The following OPRD1 variants were observed in gnomAD, a reference collection of about 807,000 sequenced individuals.
OPRD1 encodes the protein delta-type opioid receptor.
In OPRD1, 19 loss-of-function variants were observed where a neutral mutation model predicts 17.5. The ratio of observed to expected loss-of-function variants is 1.09; its 90% CI spans 0.76 to 1.60. OPRD1 has a LOEUF of 1.60. Ranked by LOEUF, OPRD1 falls within the 40% of genes most tolerant of loss-of-function variation. The probability of loss-of-function intolerance (pLI) is 0.00; values close to 1 mark genes in which losing one functional copy is unlikely to be tolerated. For missense variants in OPRD1, 483 were observed against 547.2 expected (o/e 0.88, Z 1.17); for synonymous variants, 256 against 240.9 (o/e 1.06, Z -0.58).
At chr1:28,849,609 G>A (rs204083) in intron 1 of OPRD1, among the ~76,000 whole-genome samples, 4,500 of 152,244 alleles carry the variant, frequency 0.03, 207 homozygotes, top group African/African-American at 0.1. Flanking sequence ...AAAAATCAGC[G>A]TTTAATTATA....
chr1:28,821,423 G>A (rs1044919142), intron 1 of OPRD1, among the ~76,000 whole-genome samples: 1 of 151,912 alleles, frequency 6.6e-6, no homozygotes, highest in Non-Finnish European at 1.5e-5. Flanking sequence ...TTATTTTTGA[G>A]ATGGGGATCT....
At chr1:28,830,002 C>T (rs2088797976) in intron 1 of OPRD1, among the ~76,000 whole-genome samples, 1 of 152,130 alleles carries the variant, frequency 6.6e-6, no homozygotes, top group Non-Finnish European at 1.5e-5. Flanking sequence ...AGCCACTGCA[C>T]CTGGCCCTTT....
Position 28,832,632 on chromosome 1 carries a change from A to G in OPRD1, c.227+20022A>G, listed in dbSNP as rs568836545. ...ACTCTGTCTCAAAAAAAAAAAAAGT[A>G]ACATACAGCATGGCCAAAGGCCTGG... On this transcript the variant is annotated intron_variant, in intron 1 of 2. Coordinates refer to ENST00000234961, the MANE Select transcript of OPRD1 (RefSeq NM_000911.4). Among the ~76,000 whole-genome samples the G allele has an allele frequency of 1.3e-4, 20 of 151,974 alleles. No homozygotes were observed. The South Asian group carries it at 1.7e-3, about 13-fold the overall frequency.
At chr1:28,847,815 G>A (rs2124281691) in intron 1 of OPRD1, among the ~76,000 whole-genome samples, 1 of 151,922 alleles carries the variant, frequency 6.6e-6, no homozygotes, top group Non-Finnish European at 1.5e-5. Flanking sequence ...TGGGCAACAG[G>A]GTGAGAACCT....
intron 2 of OPRD1, among the ~76,000 whole-genome samples, chr1:28,860,280 AC>A (rs2089101512): frequency 6.6e-6 from 1 of 151,658 alleles, no homozygotes; most frequent in Non-Finnish European, 1.5e-5. Context: ...CAGGAGAATC[AC>A]TTGAACCTGG....
chr1:28,828,136 C>T (rs2088781198), intron 1 of OPRD1, among the ~76,000 whole-genome samples: 2 of 152,096 alleles, frequency 1.3e-5, no homozygotes, highest in South Asian at 4.1e-4. Context: ...ACAGCTGTAA[C>T]CTTACAAAAT....
rs2089087275 is a variant in OPRD1, at chr1:28,859,128, C to T, written c.402C>T (p.Thr134=). ...CCATCGACTACTACAATATGTTCAC[C>T]AGCATCTTCACGCTCACCATGATGA... The part of the protein sequence containing the change: ...VLSIDYYNMF[T]SIFTLTMMSV... Residue 134 remains threonine (T), a synonymous_variant, in exon 2 of 3, where the codon ACC becomes ACT. Coordinates refer to ENST00000234961, the MANE Select transcript of OPRD1 (RefSeq NM_000911.4). 6.2e-7 allele frequency: 1 copy of T among 1,614,126 alleles called. No homozygotes were observed. Among genetic ancestry groups the T allele is most frequent in the African/African-American group, 1.3e-5 (1 of 74,954 alleles).
intron 1 of OPRD1, among the ~76,000 whole-genome samples, chr1:28,846,851 TTTC>T (rs2088953205): frequency 9.7e-3 from 383 of 39,466 alleles, no homozygotes; most frequent in African/African-American, 0.034. Context: ...CTTTCTTTTC[TTTC>T]TTTCTTTCTT....
intron 1 of OPRD1, among the ~76,000 whole-genome samples, chr1:28,846,544 G>A (rs1222366447): frequency 2.0e-5 from 3 of 152,028 alleles, no homozygotes; most frequent in Non-Finnish European, 4.4e-5. Flanking sequence ...TTAGCTGGGC[G>A]TGGTGGTGGG....
rs1219286208 is a variant in OPRD1, at chr1:28,868,349, G to A, written c.*5066G>A. 6.6e-6 allele frequency: 1 copy of A among 152,180 alleles called. No homozygotes were observed. The highest frequency in any genetic ancestry group is 2.4e-5 in the African/African-American group (1 of 41,418). 9.4% of individuals were successfully genotyped at this position (152,180 alleles called of 1,614,324 possible). ...GAGTCCTAGCTTTGCCGAATTCTTG[G>A]CCACGTGCTAGCAGTGTGATCTTAG... On this transcript the variant is annotated 3_prime_UTR_variant, in exon 3 of 3. Coordinates refer to ENST00000234961, the MANE Select transcript of OPRD1 (RefSeq NM_000911.4).
chr1:28,815,784 C>G (rs1307880956), intron 1 of OPRD1, among the ~76,000 whole-genome samples: 1 of 152,204 alleles, frequency 6.6e-6, no homozygotes, highest in African/African-American at 2.4e-5. Context: ...TGAGTGAATT[C>G]TGCCTGTCAG....
chr1:28,840,000 A>C (rs1569628380), intron 1 of OPRD1, among the ~76,000 whole-genome samples: 1 of 152,168 alleles, frequency 6.6e-6, no homozygotes, highest in Admixed American at 6.5e-5. Context: ...GCACCCTGGC[A>C]CCTGCACTCA....
At chr1:28,850,066 G>C (rs2147745090) in intron 1 of OPRD1, among the ~76,000 whole-genome samples, 1 of 152,080 alleles carries the variant, frequency 6.6e-6, no homozygotes, top group African/African-American at 2.4e-5. Flanking sequence ...ATTTGTAGTG[G>C]AGACAGGGTT....
chr1:28,863,265 C>T lies in OPRD1; in HGVS notation c.1101C>T (p.Gly367=). ...VTACTPSDGP[G]GGAAA ...CCTGCACCCCGTCCGATGGTCCCGGCGGTGGCGCTGCCGCCTGACCAGGCC... is the reference window on the plus strand; with the variant it reads ...CCTGCACCCCGTCCGATGGTCCCGGTGGTGGCGCTGCCGCCTGACCAGGCC... The change falls in exon 3 of 3, where the codon GGC becomes GGT. Residue 367 remains glycine, a synonymous_variant. Coordinates refer to ENST00000234961, the MANE Select transcript of OPRD1 (RefSeq NM_000911.4). 6.8e-7 allele frequency: 1 copy of T among 1,466,174 alleles called. No homozygotes were observed. The highest frequency in any genetic ancestry group is 2.5e-5 in the East Asian group (1 of 39,400). The allele number at this position is 1,466,174 out of a possible 1,614,324, so 90.8% of individuals were successfully genotyped here.
intron 1 of OPRD1, among the ~76,000 whole-genome samples, chr1:28,847,332 G>A (rs947096891): frequency 3.9e-4 from 60 of 152,172 alleles, no homozygotes; most frequent in Admixed American, 3.7e-3. Context: ...GATTACAGCC[G>A]TGAGCTACCG....
intron 2 of OPRD1, among the ~76,000 whole-genome samples, chr1:28,860,880 G>A (rs1236327088): frequency 6.6e-6 from 1 of 152,090 alleles, no homozygotes; most frequent in East Asian, 1.9e-4. Flanking sequence ...CCCTTTTATA[G>A]CCTGTGAGCC....
Position 28,868,315 on chromosome 1 carries a change from ACTTAATAAGAGT to A in OPRD1, c.*5034_*5045del, listed in dbSNP as rs2147754774. On this transcript the variant is annotated 3_prime_UTR_variant, in exon 3 of 3. Coordinates refer to ENST00000234961, the MANE Select transcript of OPRD1 (RefSeq NM_000911.4). Reference sequence around the variant, plus strand: ...CATCTCTAATACGATCATCAGCCTCACTTAATAAGAGTCCTAGCTTTGCCGAATTCTTGGCCA... The same window carrying A: ...CATCTCTAATACGATCATCAGCCTCACCTAGCTTTGCCGAATTCTTGGCCA... 6.6e-6 allele frequency: 1 copy of A among 152,278 alleles called. No individual in the cohort carries two copies. Among genetic ancestry groups the A allele is most frequent in the African/African-American group, 2.4e-5 (1 of 41,532 alleles). 9.4% of individuals were successfully genotyped at this position (152,278 alleles called of 1,614,324 possible). A position where few individuals can be genotyped will look rare whatever the true frequency, so the allele number is the denominator to read the frequency against.
At position 28,863,321 on chromosome 1, in the gene OPRD1, A is replaced by T; in HGVS notation, c.*38A>T. The T allele has an allele frequency of 7.1e-7, 1 of 1,404,486 alleles. No homozygotes were observed. The highest frequency in any genetic ancestry group is 9.2e-7 in the Non-Finnish European group (1 of 1,089,382). 87.0% of individuals were successfully genotyped at this position (1,404,486 alleles called of 1,614,324 possible). A position where few individuals can be genotyped will look rare whatever the true frequency, so the allele number is the denominator to read the frequency against. ...GCCCCCAGAGCGCCCCTCCCTAGTG[A>T]CCCGGAGGCCACATGAGTCCCAGTG... is the stretch of plus-strand genomic sequence containing the variant. On this transcript the variant is annotated 3_prime_UTR_variant, in exon 3 of 3. Coordinates refer to ENST00000234961, the MANE Select transcript of OPRD1 (RefSeq NM_000911.4).
intron 1 of OPRD1, among the ~76,000 whole-genome samples, chr1:28,850,907 A>G (rs1031953794): frequency 1.3e-5 from 2 of 151,892 alleles, no homozygotes; most frequent in African/African-American, 4.8e-5. Flanking sequence ...GATGTGAGGA[A>G]ATTAGAGGAT....
Sources: allele counts gnomAD v4.1 joint callset (sites outside exome capture counted in the v4.1 genomes callset), GRCh38; gene constraint gnomAD v4.1.1; transcripts MANE v1.5; gene names NCBI Gene and HGNC (gene_info 2026-07-23, HGNC 2026-07-21).